Variants in USP9Y observed in about 807,000 individuals in gnomAD.
The protein encoded by USP9Y is ubiquitin specific peptidase 9 Y-linked.
Under a neutral mutation model 53.1 loss-of-function variants are expected in USP9Y, and 41 were observed. The observed-to-expected ratio is 0.77, with a 90% CI of 0.60 to 1.00. USP9Y has a LOEUF of 1.00. Among genes scored for constraint, USP9Y ranks in the 50% least tolerant of loss-of-function variants. USP9Y has a pLI of 0.00. For synonymous variants in USP9Y, 220 were observed against 173.7 expected, an observed-to-expected ratio of 1.27 and a Z score of -2.09; for missense variants, 567 against 535.8, an observed-to-expected ratio of 1.06 and a Z score of -0.58.
At chrY:12,838,194 A>G (rs2148291728) in intron 35 of USP9Y, 142 bp downstream of exon 35, 1 of 132,554 alleles carries the variant, frequency 7.5e-6, no homozygotes, top group East Asian at 1.3e-4. Flanking sequence ...CAACATGATA[A>G]CTGGTTTAAA....
intron 7 of USP9Y, among the ~76,000 whole-genome samples, chrY:12,729,894 G>C: frequency 6.0e-5 from 2 of 33,520 alleles, no homozygotes; most frequent in Non-Finnish European, 1.5e-4. Flanking sequence ...CTTTTGTGTA[G>C]AGTGTTCCAT....
chrY:12,753,543 T>C (rs9785755), intron 12 of USP9Y, among the ~76,000 whole-genome samples: 6,379 of 33,156 alleles, frequency 0.19, no homozygotes, highest in African/African-American at 0.61. Flanking sequence ...TCACTGAAAC[T>C]ATCTGGTCTG....
chrY:12,790,293 C>T (rs2053506241), intron 24 of USP9Y, 114 bp from the exon 25 acceptor site: 1 of 206,951 alleles, frequency 4.8e-6, no homozygotes, highest in East Asian at 1.1e-4. Flanking sequence ...GAAGGAATAA[C>T]ATGCCGAGGA....
chrY:12,769,031 TC>T (rs2053482972), intron 15 of USP9Y, among the ~76,000 whole-genome samples: 1 of 30,759 alleles, frequency 3.3e-5, no homozygotes. Context: ...TGCCACACAC[TC>T]CCCCTCAAGA....
At chrY:12,713,025 T>G in intron 3 of USP9Y, among the ~76,000 whole-genome samples, 1 of 31,975 alleles carries the variant, frequency 3.1e-5, no homozygotes, top group African/African-American at 1.2e-4. Context: ...GTTAATGCTA[T>G]TTTAATTTAT....
In USP9Y at chrY:12,790,442, A is replaced by G; in HGVS notation, c.3597A>G (p.Leu1199=). The change falls in exon 25 of 46, where the codon CTA becomes CTG. Residue 1199 remains leucine (L), a synonymous_variant. Transcript: ENST00000338981. The part of the protein sequence containing the change: ...NQVTHDQAVV[L]QSALQSIPNP... Reference sequence around the variant, plus strand: ...TTACTCATGATCAAGCAGTGGTGCTACAAAGTGCCCTTCAGAGCATTCCTA... The same window carrying G: ...TTACTCATGATCAAGCAGTGGTGCTGCAAAGTGCCCTTCAGAGCATTCCTA... The G allele has an allele frequency of 2.5e-6, 1 of 397,369 alleles. No homozygotes were observed. Among genetic ancestry groups the G allele is most frequent in the Non-Finnish European group, 3.5e-6 (1 of 282,240 alleles).
chrY:12,810,237 G>T lies in USP9Y; in HGVS notation c.4042G>T (p.Gly1348Ter). Residue 1348 changes from glycine (G) to a stop codon, truncating the protein, a stop_gained, in exon 28 of 46, where the codon GGA (glycine) becomes TGA (stop). Coordinates refer to ENST00000338981, the MANE Select transcript of USP9Y (RefSeq NM_004654.4). LOFTEE classifies it high-confidence loss of function. ...TTTAATGTGCACCAGATGTTGCATGGGACACAGGCCTCTGCTTTTCTTCAT... is the reference window on the plus strand; with the variant it reads ...TTTAATGTGCACCAGATGTTGCATGTGACACAGGCCTCTGCTTTTCTTCAT... ...FFLMCTRCCMGHRPLLFFITL... is the reference protein window; with the variant it reads ...FFLMCTRCCM 2.5e-6 allele frequency: 1 copy of T among 398,464 alleles called. No homozygotes were observed. The highest frequency in any genetic ancestry group is 3.5e-6 in the Non-Finnish European group (1 of 283,310).
In USP9Y at chrY:12,833,794, G is replaced by T. The variant is rs1378284106; in HGVS notation, c.5128G>T (p.Ala1710Ser). The change falls in exon 34 of 46, where the codon GCT becomes TCT. Residue 1710 changes from alanine (A) to serine (S), a missense_variant. Transcript: ENST00000338981. ...AGCTTTAAAAGCTTTAGGACACCCGGCTATACTAAGTAAAGTCCTAGGAGG... is the reference window on the plus strand; with the variant it reads ...AGCTTTAAAAGCTTTAGGACACCCGTCTATACTAAGTAAAGTCCTAGGAGG... Reference protein sequence around the residue: ...DEALKALGHPAILSKVLGGSF... With the variant: ...DEALKALGHPSILSKVLGGSF... The T allele has an allele frequency of 2.5e-6, 1 of 398,181 alleles. No individual in the cohort carries two copies. The highest frequency in any genetic ancestry group is 3.5e-6 in the Non-Finnish European group (1 of 283,342).
intron 34 of USP9Y, among the ~76,000 whole-genome samples, chrY:12,836,315 C>T: frequency 6.0e-5 from 2 of 33,379 alleles, no homozygotes. Flanking sequence ...ATTTTTACCT[C>T]GTCATGAATT....
chrY:12,781,116 C>T, intron 22 of USP9Y, among the ~76,000 whole-genome samples: 2 of 32,518 alleles, frequency 6.2e-5, no homozygotes, highest in African/African-American at 1.2e-4. Flanking sequence ...ATTACCATAC[C>T]ACCACAATAA....
chrY:12,762,570 GT>G (rs2053476490), intron 15 of USP9Y, among the ~76,000 whole-genome samples: 2 of 33,792 alleles, frequency 5.9e-5, no homozygotes, highest in African/African-American at 2.3e-4. Flanking sequence ...CTGCTATAAA[GT>G]TTATATAGTT....
intron 44 of USP9Y, 80 bp downstream of exon 44, chrY:12,856,925 G>C: frequency 4.3e-6 from 1 of 231,999 alleles, no homozygotes; most frequent in Admixed American, 1.1e-4. Flanking sequence ...GTAGGCCCAT[G>C]TTTATTAATA....
chrY:12,846,367 T>G lies in USP9Y; in HGVS notation c.6603T>G (p.Asn2201Lys). The G allele has an allele frequency of 2.5e-6, 1 of 398,556 alleles. No individual in the cohort carries two copies. Among genetic ancestry groups the G allele is most frequent in the Non-Finnish European group, 3.5e-6 (1 of 283,376 alleles). ...AAAAAACACAGCTTCTGAAATTGAA[T>G]GTACCTGCTACCTTTATGCTTGTGT... The part of the protein sequence containing the change: ...VAEKTQLLKL[N>K]VPATFMLVSL... The change falls in exon 40 of 46, where the codon AAT (asparagine) becomes AAG (lysine). Residue 2201 changes from asparagine (N) to lysine (K), a missense_variant. Coordinates refer to ENST00000338981, the MANE Select transcript of USP9Y (RefSeq NM_004654.4).
chrY:12,748,166 A>AG (rs2053461873), intron 12 of USP9Y, among the ~76,000 whole-genome samples: 1 of 32,811 alleles, frequency 3.0e-5, no homozygotes, highest in Non-Finnish European at 7.5e-5. Flanking sequence ...AAAAACAGAA[A>AG]GAAAAAAAAG....
Position 12,859,319 on chromosome Y carries a change from C to A in USP9Y, c.7571C>A (p.Ala2524Glu). The A allele has an allele frequency of 5.0e-6, 2 of 398,024 alleles. No individual in the cohort carries two copies. Among genetic ancestry groups the A allele is most frequent in the Non-Finnish European group, 7.1e-6 (2 of 283,142 alleles). Residue 2524 changes from alanine to glutamate, a missense_variant, in exon 46 of 46, where the codon GCA becomes GAA. Physicochemically the swap from Ala to Glu is moderately radical, Grantham distance 107. Transcript: ENST00000338981. ...GGACAGCCATATACAGGACCAGCAG[C>A]ACATCACTTGAACAACCCTCAGAAA... ...VHGQPYTGPA[A>E]HHLNNPQKTG...
At chrY:12,796,494 G>A (rs757532441) in intron 27 of USP9Y, among the ~76,000 whole-genome samples, 174 of 29,615 alleles carry the variant, frequency 5.9e-3, no homozygotes, top group Non-Finnish European at 0.011. Flanking sequence ...CCTGGAAGAC[G>A]GTGGTGCAGT....
chrY:12,758,071 T>G (rs2053471060), intron 13 of USP9Y, among the ~76,000 whole-genome samples: 1 of 33,766 alleles, frequency 3.0e-5, no homozygotes, highest in African/African-American at 1.2e-4. Context: ...TTAGTAAGAT[T>G]AACAGAACAT....
chrY:12,793,568 G>A, intron 27 of USP9Y, among the ~76,000 whole-genome samples: 1 of 32,759 alleles, frequency 3.1e-5, no homozygotes, highest in Non-Finnish European at 7.5e-5. Flanking sequence ...TTGCAATATT[G>A]TGCAGTCACT....
chrY:12,788,711 ATTTTTTTTTTT>A (rs752508082), intron 24 of USP9Y, among the ~76,000 whole-genome samples: 39 of 17,858 alleles, frequency 2.2e-3, no homozygotes, highest in Middle Eastern at 0.031. Context: ...GTCAGCTGAG[ATTTTTTTTTTT>A]TTTTTTTTTT....
Sources: gnomAD v4.1 joint callset for allele counts (sites outside exome capture counted in the v4.1 genomes callset) on GRCh38, gnomAD v4.1.1 for gene constraint, MANE v1.5 for transcripts, NCBI Gene and HGNC (gene_info 2026-07-23, HGNC 2026-07-21) for gene names.